The following GRIN2B variants were observed in gnomAD, a reference collection of about 807,000 sequenced individuals.
GRIN2B encodes the protein glutamate ionotropic receptor NMDA type subunit 2B.
In GRIN2B, 5 loss-of-function variants were observed where a neutral mutation model predicts 114.5. That is an observed-to-expected ratio of 0.04 (90% CI 0.02 to 0.09). GRIN2B has a LOEUF of 0.09. GRIN2B is among the 10% of genes least tolerant of loss of function. GRIN2B has a pLI of 1.00. For synonymous variants in GRIN2B, 787 were observed against 745.1 expected (o/e 1.06, Z -0.92); for missense variants, 1,108 against 1,943.5 (o/e 0.57, Z 8.08).
rs192639158 is a variant in GRIN2B at position 13,721,461 on chromosome 12, G to A, written c.1010+31856C>T. ...TGGCAGAAAGGAGAGCAGATGAGAT[G>A]ATGAAAAGACAGGCTCAATAGCATG... is the stretch of plus-strand genomic sequence containing the variant. On this transcript the variant is annotated intron_variant, in intron 4 of 13. Transcript: ENST00000609686. Among the ~76,000 whole-genome samples, 4 of 152,072 alleles carry A rather than the reference G, an allele frequency of 2.6e-5. No individual in the cohort carries two copies. The East Asian group carries it at 7.8e-4, about 30-fold the overall frequency.
intron 5 of GRIN2B, among the ~76,000 whole-genome samples, chr12:13,664,815 T>C (rs554139306): frequency 2.0e-5 from 3 of 152,324 alleles, no homozygotes; most frequent in East Asian, 1.9e-4. Context: ...TAAATTTTCA[T>C]GTTACTGTCC....
At chr12:13,766,801 T>C (rs1863798581) in intron 3 of GRIN2B, among the ~76,000 whole-genome samples, 1 of 152,240 alleles carries the variant, frequency 6.6e-6, no homozygotes. Flanking sequence ...ATCTCTTCTC[T>C]TCTCTCAGTG....
At position 13,615,172 on chromosome 12, in the gene GRIN2B, T is replaced by G; in HGVS notation, c.1596A>C (p.Thr532=). The change falls in exon 8 of 14, where the codon ACA becomes ACC. Residue 532 remains threonine (T), a synonymous_variant. Coordinates refer to ENST00000609686, the MANE Select transcript of GRIN2B (RefSeq NM_000834.5). The surrounding 1 kb of genome is among the most constrained non-coding windows in gnomAD (Gnocchi z 5.8). The stretch of plus-strand genomic sequence containing the variant: ...TGCGTGACACCATGACACTGATGCC[T>G]GTCTCTATGAAGGGCACAGAGAAGT... ...VVDFSVPFIE[T]GISVMVSRSN... The G allele has an allele frequency of 1.2e-6, 2 of 1,610,298 alleles. No individual in the cohort carries two copies. Among genetic ancestry groups the G allele is most frequent in the Non-Finnish European group, 1.7e-6 (2 of 1,176,484 alleles).
intron 2 of GRIN2B, among the ~76,000 whole-genome samples, chr12:13,930,040 T>A (rs1866996835): frequency 6.6e-6 from 1 of 152,060 alleles, no homozygotes; most frequent in South Asian, 2.1e-4. Flanking sequence ...AAAAATTAGC[T>A]GGGCATGGTG....
At chr12:13,932,535 G>A (rs1356214832) in intron 2 of GRIN2B, among the ~76,000 whole-genome samples, 3 of 152,288 alleles carry the variant, frequency 2.0e-5, no homozygotes, top group South Asian at 4.1e-4. Flanking sequence ...TGCATTACAG[G>A]TAGCCATCAC....
intron 2 of GRIN2B, among the ~76,000 whole-genome samples, chr12:13,966,549 G>A (rs1867792915): frequency 1.3e-5 from 2 of 152,074 alleles, no homozygotes; most frequent in South Asian, 4.1e-4. Flanking sequence ...GCACCTCGTG[G>A]CCAGATTGTC....
At position 13,544,722 on chromosome 12, in the gene GRIN2B, A is replaced by C. The variant is rs1158535340; in HGVS notation, c.*18061T>G. 1.3e-5 allele frequency: 2 copies of C among 152,202 alleles called. No homozygotes were observed. Among genetic ancestry groups the C allele is most frequent in the Non-Finnish European group, 2.9e-5 (2 of 68,050 alleles). 9.4% of individuals were successfully genotyped at this position (152,202 alleles called of 1,614,324 possible). ...CTTATTCAATGTCTAATTCATCAGC[A>C]AACTGTGTGATATCGATTCTTTAAA... On this transcript the variant is annotated 3_prime_UTR_variant, in exon 14 of 14. Transcript: ENST00000609686.
At chr12:13,760,170 A>T (rs1189892853) in intron 3 of GRIN2B, among the ~76,000 whole-genome samples, 1 of 152,156 alleles carries the variant, frequency 6.6e-6, no homozygotes, top group East Asian at 1.9e-4. Context: ...GATGGACTAC[A>T]TGATTACTTA....
intron 2 of GRIN2B, among the ~76,000 whole-genome samples, chr12:13,874,669 G>A (rs1475585605): frequency 6.6e-6 from 1 of 152,206 alleles, no homozygotes; most frequent in African/African-American, 2.4e-5. Context: ...GCAATTGTGT[G>A]TATTGGTTTA....
intron 10 of GRIN2B, among the ~76,000 whole-genome samples, chr12:13,582,187 T>C (rs562722710): frequency 6.6e-6 from 1 of 152,212 alleles, no homozygotes; most frequent in African/African-American, 2.4e-5. Context: ...TGGTGACAGA[T>C]TAGAAAGTTA....
At chr12:13,576,161 A>AT (rs5796551) in intron 10 of GRIN2B, among the ~76,000 whole-genome samples, 4,416 of 152,288 alleles carry the variant, frequency 0.029, 108 homozygotes, top group East Asian at 0.095. Flanking sequence ...TAAAACAGAG[A>AT]TTTTTTATAC....
chr12:13,957,536 A>C (rs1867614087), intron 2 of GRIN2B, among the ~76,000 whole-genome samples: 1 of 152,068 alleles, frequency 6.6e-6, no homozygotes, highest in Non-Finnish European at 1.5e-5. Context: ...AGCCCCCTCC[A>C]CCCCAATCTC....
chr12:13,769,785 G>A (rs530842761), intron 3 of GRIN2B, among the ~76,000 whole-genome samples: 1 of 152,324 alleles, frequency 6.6e-6, no homozygotes, highest in South Asian at 2.1e-4. Flanking sequence ...ATGGGGGCTG[G>A]TATCCCAGAT....
chr12:13,723,939 T>C (rs1325544255), intron 4 of GRIN2B, among the ~76,000 whole-genome samples: 1 of 152,122 alleles, frequency 6.6e-6, no homozygotes, highest in Non-Finnish European at 1.5e-5. Flanking sequence ...ATGCATAACC[T>C]TGGAATTCCT....
chr12:13,980,856 G>C (rs1211834399), intron 1 of GRIN2B, among the ~76,000 whole-genome samples: 1 of 152,154 alleles, frequency 6.6e-6, no homozygotes. Context: ...GATTGTGCAC[G>C]GGGTGCACAC....
At chr12:13,575,388 G>C (rs1483135134) in intron 10 of GRIN2B, among the ~76,000 whole-genome samples, 7 of 152,334 alleles carry the variant, frequency 4.6e-5, no homozygotes, top group East Asian at 3.9e-4. Flanking sequence ...GCCGGGTGCA[G>C]TGGCTCACGC....
chr12:13,848,541 A>C (rs1865505636), intron 3 of GRIN2B, among the ~76,000 whole-genome samples: 1 of 152,176 alleles, frequency 6.6e-6, no homozygotes, highest in South Asian at 2.1e-4. Flanking sequence ...AAAATGGTTA[A>C]AAGTAGATTC....
At chr12:13,728,769 A>G (rs1211976324) in intron 4 of GRIN2B, among the ~76,000 whole-genome samples, 2 of 152,184 alleles carry the variant, frequency 1.3e-5, no homozygotes, top group Non-Finnish European at 2.9e-5. Flanking sequence ...GCACAGAGGG[A>G]GTATAATTTG....
chr12:13,844,380 A>G (rs1045153572), intron 3 of GRIN2B, among the ~76,000 whole-genome samples: 2 of 152,050 alleles, frequency 1.3e-5, no homozygotes, highest in African/African-American at 4.8e-5. Flanking sequence ...TTAAGCATGC[A>G]CTGTTAACAT....
Sources: gnomAD v4.1 joint callset for allele counts (sites outside exome capture counted in the v4.1 genomes callset) on GRCh38, gnomAD v4.1.1 for gene constraint, Gnocchi (gnomAD v3.1) non-coding constraint, MANE v1.5 for transcripts, NCBI Gene and HGNC (gene_info 2026-07-23, HGNC 2026-07-21) for gene names.